The following JARID2 variants were observed in gnomAD, a reference collection of about 807,000 sequenced individuals.
JARID2 encodes the protein jumonji and AT-rich interaction domain containing 2, also known as protein Jumonji.
A neutral mutation model predicts 125.6 loss-of-function variants in JARID2; 21 were observed. The ratio of observed to expected loss-of-function variants is 0.17; its 90% CI spans 0.12 to 0.24. The LOEUF is 0.24. Ranked by LOEUF, JARID2 falls within the 10% of genes least tolerant of loss-of-function variation. The pLI, the probability that JARID2 is intolerant of heterozygous loss-of-function variation, is 1.00. For missense variants in JARID2, 1,303 were observed against 1,639.6 expected (o/e 0.79, Z 3.55); for synonymous variants, 736 against 661.6 (o/e 1.11, Z -1.73).
chr6:15,490,227 A>ACT (rs1174447548), intron 6 of JARID2, among the ~76,000 whole-genome samples: 1 of 151,806 alleles, frequency 6.6e-6, no homozygotes, highest in African/African-American at 2.4e-5. Context: ...CCCAGAGGAT[A>ACT]CTCTGATCTT....
chr6:15,311,508 G>A (rs1762010040), intron 1 of JARID2, among the ~76,000 whole-genome samples: 1 of 152,172 alleles, frequency 6.6e-6, no homozygotes, highest in Non-Finnish European at 1.5e-5. Context: ...AACCTGGGAG[G>A]CGGAGTTTGC....
Position 15,513,085 on chromosome 6 carries a change from G to A in JARID2, c.3266+40G>A, listed in dbSNP as rs142112450. The stretch of plus-strand genomic sequence containing the variant: ...GAGCCCACGCCAGAGAGCTGGACCC[G>A]GCTGCCCTTCGGGGGCTCACCCCCC... On this transcript the variant is annotated intron_variant, in intron 15 of 17. Coordinates refer to ENST00000341776, the MANE Select transcript of JARID2 (RefSeq NM_004973.4). The A allele has an allele frequency of 1.8e-4, 288 of 1,612,406 alleles. 4 individuals carry two copies. The East Asian group carries it at 5.8e-3, about 33-fold the overall frequency.
intron 1 of JARID2, among the ~76,000 whole-genome samples, chr6:15,348,468 T>G (rs1763318692): frequency 6.6e-6 from 1 of 152,208 alleles, no homozygotes; most frequent in Non-Finnish European, 1.5e-5. Flanking sequence ...GTTCTCAGTA[T>G]TTTTTAAATT....
chr6:15,304,739 A>G (rs989000987), intron 1 of JARID2, among the ~76,000 whole-genome samples: 19 of 152,186 alleles, frequency 1.2e-4, no homozygotes, highest in African/African-American at 4.1e-4. Flanking sequence ...AGAATGCAGT[A>G]GCTCTGGCCA....
intron 3 of JARID2, among the ~76,000 whole-genome samples, chr6:15,431,223 G>C (rs762988052): frequency 1.3e-4 from 20 of 152,170 alleles, no homozygotes; most frequent in Non-Finnish European, 2.9e-4. Flanking sequence ...CAGATCATGT[G>C]AATGTGAGAT....
rs184997629 is a variant in JARID2 at position 15,348,486 on chromosome 6, A to G, written c.46-25631A>G. Reference sequence around the variant, plus strand: ...CTCAGTATTTTTTAAATTATATTTTATAAACTTCCATGGGCTGGGACTGGT... The same window carrying G: ...CTCAGTATTTTTTAAATTATATTTTGTAAACTTCCATGGGCTGGGACTGGT... On this transcript the variant is annotated intron_variant, in intron 1 of 17. Coordinates refer to ENST00000341776, the MANE Select transcript of JARID2 (RefSeq NM_004973.4). 9.5e-3 allele frequency among the ~76,000 whole-genome samples: 1,443 copies of G among 152,296 alleles called. 30 individuals carry two copies. The highest frequency in any genetic ancestry group is 0.031 in the African/African-American group (1,296 of 41,562).
chr6:15,342,464 C>T (rs771125922), intron 1 of JARID2, among the ~76,000 whole-genome samples: 42 of 152,260 alleles, frequency 2.8e-4, no homozygotes, highest in Non-Finnish European at 3.7e-4. Context: ...TGCATTGCCT[C>T]CTAGAATTTA....
intron 1 of JARID2, among the ~76,000 whole-genome samples, chr6:15,252,851 T>G (rs1186930443): frequency 1.3e-5 from 2 of 152,210 alleles, no homozygotes; most frequent in African/African-American, 4.8e-5. Context: ...GTCTTTGTTT[T>G]TCTGATTCCT....
intron 1 of JARID2, among the ~76,000 whole-genome samples, chr6:15,327,445 G>A (rs948320081): frequency 6.6e-6 from 1 of 152,150 alleles, no homozygotes; most frequent in Non-Finnish European, 1.5e-5. Context: ...GAGGCCACGA[G>A]GGGGAGATCT....
intron 1 of JARID2, among the ~76,000 whole-genome samples, chr6:15,342,711 T>C (rs1328452586): frequency 1.3e-5 from 2 of 152,212 alleles, no homozygotes; most frequent in Non-Finnish European, 1.5e-5. Flanking sequence ...TTGTGGTTTA[T>C]ACTGGCAAAA....
At chr6:15,318,616 TC>T (rs1390574020) in intron 1 of JARID2, among the ~76,000 whole-genome samples, 1 of 152,104 alleles carries the variant, frequency 6.6e-6, no homozygotes, top group Non-Finnish European at 1.5e-5. Flanking sequence ...GGCACCCCCC[TC>T]CCCTTTCCTT....
intron 1 of JARID2, among the ~76,000 whole-genome samples, chr6:15,296,207 G>T (rs1008056427): frequency 1.2e-4 from 19 of 152,014 alleles, no homozygotes; most frequent in African/African-American, 3.6e-4. Context: ...AAATGCTATT[G>T]TTTTTTTATT....
At chr6:15,255,902 TG>T (rs1437749337) in intron 1 of JARID2, among the ~76,000 whole-genome samples, 1 of 152,160 alleles carries the variant, frequency 6.6e-6, no homozygotes, top group Non-Finnish European at 1.5e-5. Context: ...TGTGAATATA[TG>T]GGGTACCTCT....
At chr6:15,468,880 G>A (rs1768878943) in intron 5 of JARID2, among the ~76,000 whole-genome samples, 162 bp downstream of exon 5, 1 of 152,184 alleles carries the variant, frequency 6.6e-6, no homozygotes, top group South Asian at 2.1e-4. Flanking sequence ...GTGTAGCTTA[G>A]TGTAGTCCAG....
At chr6:15,400,288 G>A (rs1015417183) in intron 2 of JARID2, among the ~76,000 whole-genome samples, 10 of 152,216 alleles carry the variant, frequency 6.6e-5, no homozygotes, top group African/African-American at 2.4e-4. Flanking sequence ...TGGAATCAGA[G>A]TAAGGGGGAG....
chr6:15,328,317 C>T (rs1455664642), intron 1 of JARID2, among the ~76,000 whole-genome samples: 2 of 152,250 alleles, frequency 1.3e-5, no homozygotes, highest in South Asian at 2.1e-4. Context: ...ACTGGGCACC[C>T]GCTGTGTACC....
chr6:15,247,649 TTGTGG>T (rs1759235700), intron 1 of JARID2: 1 of 985,154 alleles, frequency 1.0e-6, no homozygotes, highest in Non-Finnish European at 1.2e-6. Context: ...TTTTTGATCA[TTGTGG>T]TGTGTGTAAT....
chr6:15,355,941 C>T (rs1184331857), intron 1 of JARID2, among the ~76,000 whole-genome samples: 13 of 152,252 alleles, frequency 8.5e-5, no homozygotes, highest in South Asian at 6.2e-4. Flanking sequence ...TTTTTCATCA[C>T]TCTCAAAGAG....
intron 2 of JARID2, among the ~76,000 whole-genome samples, chr6:15,395,775 C>T (rs374010991): frequency 6.6e-6 from 1 of 152,116 alleles, no homozygotes; most frequent in East Asian, 1.9e-4. Context: ...AGTGCTTCCC[C>T]TGCCTCAGCC....
Sources: gnomAD v4.1 joint callset for allele counts (sites outside exome capture counted in the v4.1 genomes callset) on GRCh38, gnomAD v4.1.1 for gene constraint, MANE v1.5 for transcripts, NCBI Gene and HGNC (gene_info 2026-07-23, HGNC 2026-07-21) for gene names.